Variants in HECTD4 observed in about 807,000 individuals in gnomAD.
The protein encoded by HECTD4 is probable E3 ubiquitin-protein ligase HECTD4.
HECTD4 carries 114 observed loss-of-function variants against 471.5 expected under a neutral mutation model. The observed-to-expected ratio is 0.24, with a 90% CI of 0.21 to 0.28. The LOEUF (loss-of-function observed/expected upper bound fraction) is 0.28, where lower values mean the gene tolerates loss of function less well. Ranked by LOEUF, HECTD4 falls within the 10% of genes least tolerant of loss-of-function variation. The pLI, the probability that HECTD4 is intolerant of heterozygous loss-of-function variation, is 1.00. For missense variants in HECTD4, 3,866 were observed against 5,651.5 expected (o/e 0.68, Z 10.13); for synonymous variants, 2,012 against 2,256.0 (o/e 0.89, Z 3.07).
Position 112,235,311 on chromosome 12 carries a change from T to G in HECTD4, c.5726-45A>C, listed in dbSNP as rs764030335. The G allele has an allele frequency of 1.3e-6, 2 of 1,570,768 alleles. No individual in the cohort carries two copies. Among genetic ancestry groups the G allele is most frequent in the African/African-American group, 2.7e-5 (2 of 73,048 alleles). On this transcript the variant is annotated intron_variant, in intron 36 of 75. Coordinates refer to ENST00000682272, the MANE Select transcript of HECTD4 (RefSeq NM_001388303.1). This position sits in a 1 kb window ranked among gnomAD's most constrained non-coding sequence, Gnocchi z 5.0. ...CTCATTCAGGAAAACTGCAGTGTTG[T>G]TTTGGCGGCTCTGCTAAAATGAAAA...
rs543682659 is a variant in HECTD4 at position 112,360,233 on chromosome 12, C to T, written c.177+21719G>A. ...ACTTGGGAGGCTGGGGCAGGAGGAT[C>T]GCTTGAGGCCAGGAGTCTGGGGCTG... On this transcript the variant is annotated intron_variant, in intron 1 of 75. Coordinates refer to ENST00000682272, the MANE Select transcript of HECTD4 (RefSeq NM_001388303.1). 1.2e-4 allele frequency among the ~76,000 whole-genome samples: 19 copies of T among 152,278 alleles called. No homozygotes were observed. In the South Asian group the frequency reaches 3.1e-3, roughly 25 times the overall value.
chr12:112,378,070 T>C (rs1338678171), intron 1 of HECTD4, among the ~76,000 whole-genome samples: 1 of 152,156 alleles, frequency 6.6e-6, no homozygotes, highest in Non-Finnish European at 1.5e-5. Flanking sequence ...AGCTAGGGTC[T>C]AGTCATTGCC....
At chr12:112,290,875 A>C (rs1428640205) in intron 7 of HECTD4, among the ~76,000 whole-genome samples, 1 of 151,384 alleles carries the variant, frequency 6.6e-6, no homozygotes, top group East Asian at 2.0e-4. Flanking sequence ...AAAAAAAAAA[A>C]CAAATCACAG....
intron 1 of HECTD4, among the ~76,000 whole-genome samples, chr12:112,361,351 G>T (rs2036445203): frequency 6.6e-6 from 1 of 152,018 alleles, no homozygotes; most frequent in African/African-American, 2.4e-5. Flanking sequence ...TGCAATCACA[G>T]CCTCAACCTC....
intron 1 of HECTD4, among the ~76,000 whole-genome samples, chr12:112,335,999 TGAA>T (rs1025935432): frequency 2.5e-4 from 37 of 150,652 alleles, no homozygotes; most frequent in African/African-American, 8.8e-4. Context: ...CCATCACCCA[TGAA>T]GAAGTCTTGG....
At chr12:112,280,970 C>T (rs1594006681) in intron 8 of HECTD4, among the ~76,000 whole-genome samples, 1 of 151,516 alleles carries the variant, frequency 6.6e-6, no homozygotes. Flanking sequence ...TTTGTATTTT[C>T]AGTAGAGATG....
At chr12:112,314,588 A>C in intron 2 of HECTD4, 42 bp from the exon 3 acceptor site, 1 of 1,149,094 alleles carries the variant, frequency 8.7e-7, no homozygotes, top group African/African-American at 1.5e-5. Flanking sequence ...CAAAATTTAA[A>C]ATCAAATAAT....
intron 1 of HECTD4, among the ~76,000 whole-genome samples, chr12:112,357,789 T>C (rs1053361405): frequency 4.6e-5 from 7 of 152,260 alleles, no homozygotes; most frequent in African/African-American, 1.7e-4. Flanking sequence ...ACTTACAAAA[T>C]GCTAATGTAT....
At chr12:112,300,541 G>A (rs1029165253) in intron 7 of HECTD4, among the ~76,000 whole-genome samples, 1 of 152,086 alleles carries the variant, frequency 6.6e-6, no homozygotes, top group Admixed American at 6.6e-5. Flanking sequence ...CATTAACTAT[G>A]TCAGACACCT....
chr12:112,368,237 A>G (rs1441842693), intron 1 of HECTD4, among the ~76,000 whole-genome samples: 1 of 152,190 alleles, frequency 6.6e-6, no homozygotes, highest in African/African-American at 2.4e-5. Flanking sequence ...CCATCATGGA[A>G]CATTAATTAT....
Position 112,172,881 on chromosome 12 carries a change from G to A in HECTD4, c.11595-20C>T. 3.7e-6 allele frequency: 6 copies of A among 1,610,446 alleles called. No individual in the cohort carries two copies. The highest frequency in any genetic ancestry group is 5.1e-6 in the Non-Finnish European group (6 of 1,177,000). Reference sequence around the variant, plus strand: ...GCGCACCTTGGGGTGGGGACAGGGGGAGAGGGGCAAAGTGAGGCAGGGCAC... The same window carrying A: ...GCGCACCTTGGGGTGGGGACAGGGGAAGAGGGGCAAAGTGAGGCAGGGCAC... On this transcript the variant is annotated intron_variant, in intron 66 of 75. Coordinates refer to ENST00000682272, the MANE Select transcript of HECTD4 (RefSeq NM_001388303.1).
intron 64 of HECTD4, 82 bp from the exon 65 acceptor site, chr12:112,176,784 A>T: frequency 9.2e-7 from 1 of 1,086,990 alleles, no homozygotes; most frequent in East Asian, 2.4e-5. Context: ...ATAGTCATTC[A>T]TTCCTGCTCC....
intron 1 of HECTD4, among the ~76,000 whole-genome samples, chr12:112,374,115 T>C (rs1419232144): frequency 6.6e-6 from 1 of 151,762 alleles, no homozygotes; most frequent in Non-Finnish European, 1.5e-5. Flanking sequence ...GACAGGAGGA[T>C]TGCTTGAGGC....
chr12:112,350,283 C>A (rs1208171118), intron 1 of HECTD4, among the ~76,000 whole-genome samples: 1 of 152,144 alleles, frequency 6.6e-6, no homozygotes, highest in African/African-American at 2.4e-5. Context: ...CAAATGTCTT[C>A]TTAGAACTCT....
chr12:112,330,825 T>C (rs2035832242), intron 1 of HECTD4, among the ~76,000 whole-genome samples: 1 of 152,242 alleles, frequency 6.6e-6, no homozygotes, highest in African/African-American at 2.4e-5. Flanking sequence ...TTTTGCCTTC[T>C]GGAATGATGG....
chr12:112,292,632 G>A (rs1456394453), intron 7 of HECTD4, among the ~76,000 whole-genome samples: 2 of 152,180 alleles, frequency 1.3e-5, no homozygotes, highest in African/African-American at 4.8e-5. Flanking sequence ...ACTGCATGAA[G>A]TGCCCAGCAC....
chr12:112,192,625 G>A lies in HECTD4; in HGVS notation c.9227C>T (p.Pro3076Leu), dbSNP rs775027431. The A allele has an allele frequency of 5.6e-6, 9 of 1,609,886 alleles. No homozygotes were observed. In the South Asian group the frequency reaches 7.8e-5, roughly 14 times the overall value. The change falls in exon 59 of 76, where the codon CCT becomes CTT. Residue 3076 changes from proline to leucine, a missense_variant. Pro to Leu is a moderately conservative substitution (Grantham distance 98). Transcript: ENST00000682272. ...DASPANTGLA[P>L]PPTADQYPSV... ...GGGGTACTGGTCAGCGGTGGGGGGA[G>A]GTGCAAGCCCAGTGTTGGCTGGGGA... is the stretch of plus-strand genomic sequence containing the variant.
Position 112,220,705 on chromosome 12 carries a change from G to A in HECTD4, c.6971-1216C>T, listed in dbSNP as rs373406785. On this transcript the variant is annotated intron_variant, in intron 44 of 75. Transcript: ENST00000682272. ...CCAGCTACTCGGGAGGGTGAGGCAT[G>A]ATAATCGCTTGAACCCAGGAGGCAG... Among the ~76,000 whole-genome samples, 41 of 152,276 alleles carry A rather than the reference G, an allele frequency of 2.7e-4. 1 individual carries two copies. The East Asian group carries it at 7.6e-3, about 28-fold the overall frequency.
chr12:112,306,162 A>C lies in HECTD4; in HGVS notation c.1237T>G (p.Ser413Ala). Residue 413 changes from serine (S) to alanine (A), a missense_variant, in exon 7 of 76, where the codon TCA (serine) becomes GCA (alanine). Ser to Ala is a moderately conservative substitution (Grantham distance 99). Around this residue, in one of 16 missense-constraint regions of HECTD4, gnomAD observed 440 missense variants for 636.0 expected, o/e 0.69. Coordinates refer to ENST00000682272, the MANE Select transcript of HECTD4 (RefSeq NM_001388303.1). ...ATCCAATAGAAGTAAGTGCCATCTG[A>C]AGACAGGTGCACAGTGCTCATGGTG... ...GSTMSTVHLS[S>A]DGTYFYWIWS... The C allele has an allele frequency of 6.2e-7, 1 of 1,613,108 alleles. No individual in the cohort carries two copies. Among genetic ancestry groups the C allele is most frequent in the Non-Finnish European group, 8.5e-7 (1 of 1,179,610 alleles).
Sources: allele counts gnomAD v4.1 joint callset (sites outside exome capture counted in the v4.1 genomes callset), GRCh38; gene constraint gnomAD v4.1.1; regional missense constraint gnomAD v4.1.1; non-coding constraint Gnocchi (gnomAD v3.1); transcripts MANE v1.5; gene names NCBI Gene and HGNC (gene_info 2026-07-23, HGNC 2026-07-21).